The following BLTP2 variants were observed in gnomAD, a reference collection of about 807,000 sequenced individuals.
BLTP2 encodes the protein bridge-like lipid transfer protein family member 2.
At chr17:28,629,603 G>T in the BLTP2 span, among the ~76,000 whole-genome samples, 2 of 151,834 alleles carry the variant, frequency 1.3e-5, no homozygotes, top group African/African-American at 4.8e-5. Flanking sequence ...TCAGCCTCCC[G>T]AGTAGCTCGG....
At chr17:28,631,807 T>C in the BLTP2 span, 1 of 1,582,190 alleles carries the variant, frequency 6.3e-7, no homozygotes, top group Non-Finnish European at 8.7e-7. Flanking sequence ...ATGAAAGGAG[T>C]CTTTCATTTT....
At chr17:28,628,276 C>T in the BLTP2 span, 3 of 1,613,976 alleles carry the variant, frequency 1.9e-6, no homozygotes. Context: ...TCCTGATGAC[C>T]CCTTATCAGG....
the BLTP2 span, chr17:28,618,747 T>C: frequency 1.3e-5 from 20 of 1,525,082 alleles, no homozygotes; most frequent in Middle Eastern, 8.7e-4. Context: ...TAGGTCAATG[T>C]CTCTCAATAC....
chr17:28,616,288 G>A, the BLTP2 span: 1 of 1,599,526 alleles, frequency 6.3e-7, no homozygotes, highest in South Asian at 1.1e-5. This position sits in a 1 kb window ranked among gnomAD's most constrained non-coding sequence, Gnocchi z 4.8. Context: ...TCCCTAGAAT[G>A]GACTTAGAGG....
chr17:28,618,791 C>T, the BLTP2 span: 2 of 1,611,812 alleles, frequency 1.2e-6, no homozygotes, highest in Admixed American at 1.7e-5. Flanking sequence ...CCCCAGATAC[C>T]TTGCTGTAGA....
the BLTP2 span, chr17:28,632,976 G>C: frequency 6.4e-7 from 1 of 1,554,358 alleles, no homozygotes; most frequent in African/African-American, 1.4e-5. Flanking sequence ...TCTTGATGGA[G>C]AGATTGAGGT....
the BLTP2 span, chr17:28,633,507 C>G: frequency 6.2e-7 from 1 of 1,604,672 alleles, no homozygotes; most frequent in East Asian, 2.2e-5. Flanking sequence ...AGACCTCAAC[C>G]ATACCATCCT....
At chr17:28,621,568 A>C in the BLTP2 span, 1 of 1,108,176 alleles carries the variant, frequency 9.0e-7, no homozygotes, top group South Asian at 1.2e-5. Context: ...ATTGGGTGAC[A>C]GATCTCCATG....
chr17:28,642,650 CAAAA>C, the BLTP2 span, among the ~76,000 whole-genome samples: 10 of 150,216 alleles, frequency 6.7e-5, no homozygotes, highest in Non-Finnish European at 1.5e-4. Context: ...GACTCTGTCT[CAAAA>C]AAAAAATTTA....
At chr17:28,640,069 T>C in the BLTP2 span, 1 of 1,600,148 alleles carries the variant, frequency 6.2e-7, no homozygotes, top group South Asian at 1.1e-5. Context: ...TGGAATGCCA[T>C]TCCTACTTCT....
At chr17:28,625,353 A>AAAAAAAAG in the BLTP2 span, among the ~76,000 whole-genome samples, 10 of 149,020 alleles carry the variant, frequency 6.7e-5, no homozygotes, top group African/African-American at 2.0e-4. Flanking sequence ...AAAAAAAAAA[A>AAAAAAAAG]AAAAAGAAAA....
chr17:28,633,057 C>CCG, the BLTP2 span: 1 of 1,592,482 alleles, frequency 6.3e-7, no homozygotes, highest in Non-Finnish European at 8.5e-7. Flanking sequence ...ACTCTGGGGC[C>CCG]CGCAGAGTGA....
the BLTP2 span, chr17:28,616,322 A>G: frequency 1.2e-6 from 2 of 1,612,790 alleles, no homozygotes; most frequent in Middle Eastern, 3.3e-4. This position sits in a 1 kb window ranked among gnomAD's most constrained non-coding sequence, Gnocchi z 4.8. Context: ...CCCAAGCCAC[A>G]CCAAACAGGA....
the BLTP2 span, chr17:28,636,871 T>C: frequency 2.4e-5 from 25 of 1,044,008 alleles, no homozygotes; most frequent in South Asian, 3.1e-4. Flanking sequence ...CACTCTGTTT[T>C]GGGAAAAGAC....
At chr17:28,632,929 G>T in the BLTP2 span, 1 of 1,505,640 alleles carries the variant, frequency 6.6e-7, no homozygotes, top group Non-Finnish European at 8.9e-7. Context: ...ACTGCCCCAG[G>T]CCCAAGCCTC....
At chr17:28,643,237 G>A in the BLTP2 span, 2 of 1,614,126 alleles carry the variant, frequency 1.2e-6, no homozygotes, top group Non-Finnish European at 1.7e-6. Context: ...CTGGGAGAAT[G>A]GGGCAGACAG....
the BLTP2 span, chr17:28,621,310 C>G: frequency 4.2e-6 from 6 of 1,419,178 alleles, no homozygotes; most frequent in Non-Finnish European, 6.0e-6. Flanking sequence ...CCAGCATACA[C>G]TGACGTTAAG....
chr17:28,634,490 T>C, the BLTP2 span: 3 of 1,585,562 alleles, frequency 1.9e-6, no homozygotes, highest in African/African-American at 1.4e-5. Flanking sequence ...AAACACGGGG[T>C]CTGCAAATAA....
the BLTP2 span, among the ~76,000 whole-genome samples, chr17:28,623,582 GA>G: frequency 0.48 from 69,745 of 145,668 alleles, 19,431 homozygotes; most frequent in African/African-American, 0.8. Context: ...ACACCATGAG[GA>G]AAAAAAAAAA....
Sources: gnomAD v4.1 joint callset for allele counts (sites outside exome capture counted in the v4.1 genomes callset) on GRCh38, gnomAD v4.1.1 for gene constraint, Gnocchi (gnomAD v3.1) non-coding constraint, MANE v1.5 for transcripts, NCBI Gene and HGNC (gene_info 2026-07-23, HGNC 2026-07-21) for gene names.